Variants in TMEM161B observed in about 807,000 individuals in gnomAD.
TMEM161B encodes the protein transmembrane protein 161B.
A neutral mutation model predicts 61.8 loss-of-function variants in TMEM161B; 34 were observed. The ratio of observed to expected loss-of-function variants is 0.55; its 90% CI spans 0.42 to 0.73. TMEM161B has a LOEUF of 0.73. TMEM161B is among the 30% of genes least tolerant of loss of function. The pLI, the probability that TMEM161B is intolerant of heterozygous loss-of-function variation, is 0.00. For synonymous variants in TMEM161B, 167 were observed against 192.8 expected, an observed-to-expected ratio of 0.87 and a Z score of 1.11; for missense variants, 456 against 558.5, an observed-to-expected ratio of 0.82 and a Z score of 1.85.
intron 8 of TMEM161B, among the ~76,000 whole-genome samples, chr5:88,203,759 AT>A (rs1744863629): frequency 2.0e-3 from 2 of 1,020 alleles, no homozygotes; most frequent in Admixed American, 0.013. Flanking sequence ...TCATATATAT[AT>A]ATATATATAT....
At chr5:88,208,466 A>G (rs2112435450) in intron 5 of TMEM161B, among the ~76,000 whole-genome samples, 1 of 151,324 alleles carries the variant, frequency 6.6e-6, no homozygotes, top group East Asian at 1.9e-4. Flanking sequence ...TGGGTGACAC[A>G]GTGAGACTCC....
In TMEM161B at chr5:88,195,188, AT is replaced by A; in HGVS notation, c.*1022del. ...ATACACTCACACATAGGCAACACAAATAAATTGCTTACTCTGCTGAACTTTC... is the reference window on the plus strand; with the variant it reads ...ATACACTCACACATAGGCAACACAAAAAATTGCTTACTCTGCTGAACTTTC... On this transcript the variant is annotated 3_prime_UTR_variant, in exon 12 of 12. Transcript: ENST00000296595. The A allele has an allele frequency of 1.0e-5, 10 of 985,004 alleles. No homozygotes were observed. Among genetic ancestry groups the A allele is most frequent in the Non-Finnish European group, 1.2e-5 (10 of 829,316 alleles). The allele number at this position is 985,004 out of a possible 1,614,324, so 61.0% of individuals were successfully genotyped here.
chr5:88,237,894 G>T (rs1360108335), intron 2 of TMEM161B, among the ~76,000 whole-genome samples: 7 of 151,886 alleles, frequency 4.6e-5, no homozygotes, highest in African/African-American at 1.7e-4. Context: ...TTTTGTCAAG[G>T]TATTAACTCT....
At chr5:88,224,696 T>A (rs1749658286) in intron 4 of TMEM161B, among the ~76,000 whole-genome samples, 1 of 152,152 alleles carries the variant, frequency 6.6e-6, no homozygotes, top group African/African-American at 2.4e-5. Flanking sequence ...AACAATACAG[T>A]TTGAACTGTG....
intron 4 of TMEM161B, among the ~76,000 whole-genome samples, chr5:88,222,349 A>T (rs1238513954): frequency 6.6e-6 from 1 of 152,074 alleles, no homozygotes; most frequent in East Asian, 1.9e-4. Flanking sequence ...GATTACAGAC[A>T]TGAGCCACTG....
intron 9 of TMEM161B, chr5:88,202,183 T>A (rs1319243658): frequency 2.2e-6 from 1 of 452,000 alleles, no homozygotes; most frequent in Non-Finnish European, 4.4e-6. Flanking sequence ...AAGATTTTAG[T>A]GAGGAGGAGA....
intron 5 of TMEM161B, among the ~76,000 whole-genome samples, chr5:88,213,870 C>CT (rs1239418055): frequency 5.9e-5 from 9 of 152,132 alleles, no homozygotes; most frequent in Non-Finnish European, 1.2e-4. Context: ...TTCAATAACT[C>CT]TGAGTTTCAT....
chr5:88,193,018 T>C (rs531079145), downstream of TMEM161B, among the ~76,000 whole-genome samples: 2 of 152,278 alleles, frequency 1.3e-5, no homozygotes, highest in East Asian at 1.9e-4. Flanking sequence ...ACCAATGATA[T>C]TTATATCAGA....
intron 2 of TMEM161B, among the ~76,000 whole-genome samples, chr5:88,232,637 G>C (rs574521478): frequency 1.3e-5 from 2 of 152,114 alleles, no homozygotes; most frequent in South Asian, 4.2e-4. Flanking sequence ...GCGGTAGCAC[G>C]ATCTTGGCTG....
downstream of TMEM161B, among the ~76,000 whole-genome samples, chr5:88,192,012 A>ATATATGTATATATATATG (rs1748982546): frequency 6.4e-5 from 6 of 93,990 alleles, no homozygotes; most frequent in African/African-American, 2.4e-4. Context: ...ATATATATAT[A>ATATATGTATATATATATG]TATATATATA....
intron 1 of TMEM161B, among the ~76,000 whole-genome samples, chr5:88,261,661 T>A (rs1237736674): frequency 5.5e-5 from 4 of 72,600 alleles, no homozygotes; most frequent in African/African-American, 1.6e-4. Flanking sequence ...GCACAGGCAA[T>A]ACAATGGAGA....
Position 88,195,945 on chromosome 5 carries a change from C to G in TMEM161B, c.*266G>C. 1 of 1,190,936 alleles carries G rather than the reference C, an allele frequency of 8.4e-7. No individual in the cohort carries two copies. Among genetic ancestry groups the G allele is most frequent in the Non-Finnish European group, 1.0e-6 (1 of 958,692 alleles). 73.8% of individuals were successfully genotyped at this position (1,190,936 alleles called of 1,614,324 possible). Reference sequence around the variant, plus strand: ...AACCAGGGTAATCAGAAATATTACCCTTGTAGATAGCCCTCTCATACCAGT... The same window carrying G: ...AACCAGGGTAATCAGAAATATTACCGTTGTAGATAGCCCTCTCATACCAGT... On this transcript the variant is annotated 3_prime_UTR_variant, in exon 12 of 12. Coordinates refer to ENST00000296595, the MANE Select transcript of TMEM161B (RefSeq NM_153354.5).
Position 88,203,094 on chromosome 5 carries a change from T to A in TMEM161B, c.801-19A>T. The A allele has an allele frequency of 6.8e-7, 1 of 1,466,276 alleles. No homozygotes were observed. The highest frequency in any genetic ancestry group is 9.5e-7 in the Non-Finnish European group (1 of 1,050,024). The allele number at this position is 1,466,276 out of a possible 1,614,324, so 90.8% of individuals were successfully genotyped here. A position where few individuals can be genotyped will look rare whatever the true frequency, so the allele number is the denominator to read the frequency against. On this transcript the variant is annotated intron_variant, in intron 8 of 11. Transcript: ENST00000296595. ...TAAAGTTCTGAAAGTACGTAAGAAA[T>A]AAATATAAAAATTCAGAAACAGCAC...
At chr5:88,217,318 C>G (rs1300590339) in intron 5 of TMEM161B, among the ~76,000 whole-genome samples, 5 of 151,984 alleles carry the variant, frequency 3.3e-5, no homozygotes, top group Admixed American at 6.6e-5. Context: ...CTTCCTAAAT[C>G]CCACCAAAAT....
intron 5 of TMEM161B, among the ~76,000 whole-genome samples, chr5:88,210,425 T>G (rs1746483259): frequency 6.6e-6 from 1 of 152,150 alleles, no homozygotes; most frequent in Non-Finnish European, 1.5e-5. Context: ...ATACAGGCAG[T>G]GATGTGCTGT....
chr5:88,207,304 C>G, intron 5 of TMEM161B, 124 bp from the exon 6 acceptor site: 1 of 933,396 alleles, frequency 1.1e-6, no homozygotes, highest in Non-Finnish European at 1.6e-6. Context: ...GAGTTTAAAA[C>G]ACTTTTAAAT....
At chr5:88,208,686 A>G (rs1450555733) in intron 5 of TMEM161B, among the ~76,000 whole-genome samples, 1 of 152,124 alleles carries the variant, frequency 6.6e-6, no homozygotes, top group African/African-American at 2.4e-5. Flanking sequence ...AAAAACAACA[A>G]CTGTGGCAGA....
intron 8 of TMEM161B, among the ~76,000 whole-genome samples, chr5:88,204,169 A>G (rs928271062): frequency 5.9e-5 from 9 of 152,054 alleles, no homozygotes; most frequent in Non-Finnish European, 1.3e-4. Context: ...CCTCTGATAT[A>G]AAAACACATC....
intron 1 of TMEM161B, among the ~76,000 whole-genome samples, chr5:88,253,333 T>C (rs1265644875): frequency 6.6e-6 from 1 of 152,184 alleles, no homozygotes; most frequent in Non-Finnish European, 1.5e-5. Context: ...ATAAGTGGTA[T>C]GGTAGAGATC....
Sources: gnomAD v4.1 joint callset for allele counts (sites outside exome capture counted in the v4.1 genomes callset) on GRCh38, gnomAD v4.1.1 for gene constraint, MANE v1.5 for transcripts, NCBI Gene and HGNC (gene_info 2026-07-23, HGNC 2026-07-21) for gene names.